PLAG1: variants seen among roughly 807,000 people sequenced by gnomAD.
The protein encoded by PLAG1 is PLAG1 zinc finger, also known as zinc finger protein PLAG1.
Under a neutral mutation model 35.5 loss-of-function variants are expected in PLAG1, and 7 were observed. That is an observed-to-expected ratio of 0.20 (90% confidence interval 0.11 to 0.37). PLAG1 has a LOEUF of 0.37. Among genes scored for constraint, PLAG1 ranks in the 10% least tolerant of loss-of-function variants. The pLI is 1.00. For synonymous variants in PLAG1, 229 were observed against 225.4 expected (o/e 1.02, Z -0.14); for missense variants, 454 against 602.8 (o/e 0.75, Z 2.58).
Position 56,163,210 on chromosome 8 carries a change from CTTTTTTTTTTT to C in PLAG1, c.*3022_*3032del, listed in dbSNP as rs34779318. Reference sequence around the variant, plus strand: ...AACTACTTTTATTTAATGTTAATCCCTTTTTTTTTTTTTTTTTTTTTTTTTTAACCAAGCTA... The same window carrying C: ...AACTACTTTTATTTAATGTTAATCCCTTTTTTTTTTTTTTTAACCAAGCTA... On this transcript the variant is annotated 3_prime_UTR_variant, in exon 5 of 5. Transcript: ENST00000316981. The C allele has an allele frequency of 2.2e-4, 21 of 97,240 alleles. No homozygotes were observed. In the East Asian group the frequency reaches 3.8e-3, roughly 17 times the overall value. The allele number at this position is 97,240 out of a possible 1,614,324, so 6.0% of individuals were successfully genotyped here.
chr8:56,188,835 G>A (rs1339864914), intron 1 of PLAG1, among the ~76,000 whole-genome samples: 2 of 152,208 alleles, frequency 1.3e-5, no homozygotes, highest in Non-Finnish European at 2.9e-5. Flanking sequence ...TAGTCACTGT[G>A]ATTCGCTGAC....
chr8:56,167,944 G>A lies in PLAG1; in HGVS notation c.242+84C>T. ...TCTTTGCAAATTAGCTGAAAAATGT[G>A]TATACAAATACATACGTTTACAATG... On this transcript the variant is annotated intron_variant, in intron 4 of 4. Transcript: ENST00000316981. This position sits in a 1 kb window ranked among gnomAD's most constrained non-coding sequence, Gnocchi z 5.9. 1.3e-6 allele frequency: 1 copy of A among 745,514 alleles called. No homozygotes were observed. Among genetic ancestry groups the A allele is most frequent in the Non-Finnish European group, 2.2e-6 (1 of 453,566 alleles). The allele number at this position is 745,514 out of a possible 1,614,324, so 46.2% of individuals were successfully genotyped here. A position where few individuals can be genotyped will look rare whatever the true frequency, so the allele number is the denominator to read the frequency against.
chr8:56,163,659 A>T lies in PLAG1; in HGVS notation c.*2584T>A. 1 of 185,686 alleles carries T rather than the reference A, an allele frequency of 5.4e-6. No homozygotes were observed. Among genetic ancestry groups the T allele is most frequent in the Non-Finnish European group, 1.1e-5 (1 of 88,748 alleles). The allele number at this position is 185,686 out of a possible 1,614,324, so 11.5% of individuals were successfully genotyped here. On this transcript the variant is annotated 3_prime_UTR_variant, in exon 5 of 5. Transcript: ENST00000316981. The stretch of plus-strand genomic sequence containing the variant: ...ATTTCATGCAGGGCAAGATTTAAGT[A>T]TGTGTGTGTGTGTGTATATATACAC...
At chr8:56,207,629 A>C (rs759655566) in intron 1 of PLAG1, among the ~76,000 whole-genome samples, 1 of 152,078 alleles carries the variant, frequency 6.6e-6, no homozygotes, top group Non-Finnish European at 1.5e-5. Context: ...TAGGCATATA[A>C]ATTTCAAATA....
chr8:56,187,441 CT>C (rs1462124055), intron 1 of PLAG1, among the ~76,000 whole-genome samples: 1 of 152,214 alleles, frequency 6.6e-6, no homozygotes, highest in Non-Finnish European at 1.5e-5. Flanking sequence ...CCTTCACTAT[CT>C]GTGTAACTAC....
rs554092452 is a variant in PLAG1 at position 56,168,539 on chromosome 8, T to C, written c.-117-153A>G. Among the ~76,000 whole-genome samples the C allele has an allele frequency of 3.9e-5, 6 of 152,328 alleles. No homozygotes were observed. In the East Asian group the frequency reaches 5.8e-4, roughly 15 times the overall value. ...TCATCACATTACATTAGAAACCCCA[T>C]AGGTTTCTTTATATTTGTCAAAATA... On this transcript the variant is annotated intron_variant, in intron 3 of 4. Coordinates refer to ENST00000316981, the MANE Select transcript of PLAG1 (RefSeq NM_002655.3).
At chr8:56,175,924 G>A (rs958356813) in intron 2 of PLAG1, among the ~76,000 whole-genome samples, 4 of 152,006 alleles carry the variant, frequency 2.6e-5, no homozygotes, top group Non-Finnish European at 5.9e-5. Context: ...TGAAGAAGGA[G>A]TATCAAGTAA....
In PLAG1 at chr8:56,165,870, T is replaced by A. The variant is rs1218079514; in HGVS notation, c.*373A>T. The A allele has an allele frequency of 1.5e-5, 3 of 201,224 alleles. No individual in the cohort carries two copies. The highest frequency in any genetic ancestry group is 3.1e-5 in the Non-Finnish European group (3 of 97,868). The allele number at this position is 201,224 out of a possible 1,614,324, so 12.5% of individuals were successfully genotyped here. A position where few individuals can be genotyped will look rare whatever the true frequency, so the allele number is the denominator to read the frequency against. ...TACATTCTATTGCTAAATTTTTTAA[T>A]GAGCCAGATGTCAAAAGGTAGAGCC... is the stretch of plus-strand genomic sequence containing the variant. On this transcript the variant is annotated 3_prime_UTR_variant, in exon 5 of 5. Transcript: ENST00000316981.
intron 1 of PLAG1, among the ~76,000 whole-genome samples, chr8:56,186,973 C>T (rs966729527): frequency 2.0e-5 from 3 of 152,228 alleles, no homozygotes; most frequent in African/African-American, 7.2e-5. Flanking sequence ...GCCTCAGCCT[C>T]CCAAAGTGTT....
At chr8:56,205,832 A>T (rs926564926) in intron 1 of PLAG1, among the ~76,000 whole-genome samples, 2 of 151,940 alleles carry the variant, frequency 1.3e-5, no homozygotes, top group Non-Finnish European at 2.9e-5. Flanking sequence ...TTGTCCTATT[A>T]ACCTAGGACA....
intron 1 of PLAG1, among the ~76,000 whole-genome samples, chr8:56,196,012 T>C (rs1323208310): frequency 6.6e-6 from 1 of 152,104 alleles, no homozygotes; most frequent in Non-Finnish European, 1.5e-5. Context: ...GCGTGCTCAC[T>C]GCTATAACAT....
chr8:56,185,959 AG>A (rs1175211486), intron 1 of PLAG1, among the ~76,000 whole-genome samples: 1 of 152,228 alleles, frequency 6.6e-6, no homozygotes, highest in African/African-American at 2.4e-5. Context: ...AAACAAATGA[AG>A]TAACACAGAA....
chr8:56,200,903 G>T (rs1812530144), intron 1 of PLAG1, among the ~76,000 whole-genome samples: 1 of 152,016 alleles, frequency 6.6e-6, no homozygotes, highest in Non-Finnish European at 1.5e-5. Context: ...TCATCCAAAG[G>T]CATAAAAGCA....
At chr8:56,178,958 TC>T (rs1440646025) in intron 2 of PLAG1, among the ~76,000 whole-genome samples, 2 of 127,566 alleles carry the variant, frequency 1.6e-5, no homozygotes, top group Non-Finnish European at 3.1e-5. Flanking sequence ...ATCTGCCCCA[TC>T]CCTGTGAGCA....
chr8:56,201,581 T>C (rs1257356745), intron 1 of PLAG1, among the ~76,000 whole-genome samples: 1 of 152,200 alleles, frequency 6.6e-6, no homozygotes, highest in Admixed American at 6.5e-5. Flanking sequence ...TTTTCTTAAA[T>C]ATATGAACTT....
chr8:56,177,843 G>C (rs539445346), intron 2 of PLAG1, among the ~76,000 whole-genome samples: 2 of 152,308 alleles, frequency 1.3e-5, no homozygotes, highest in South Asian at 4.1e-4. Context: ...TTTTGGCAGA[G>C]AGGTAGGAAC....
chr8:56,189,302 A>G (rs1385489419), intron 1 of PLAG1, among the ~76,000 whole-genome samples: 2 of 152,200 alleles, frequency 1.3e-5, no homozygotes, highest in African/African-American at 4.8e-5. Flanking sequence ...CCTGCAATCA[A>G]GAAGACATTG....
At chr8:56,208,626 TAATA>T (rs1812764374) in intron 1 of PLAG1, among the ~76,000 whole-genome samples, 1 of 152,080 alleles carries the variant, frequency 6.6e-6, no homozygotes, top group Admixed American at 6.5e-5. Flanking sequence ...TGTCTATAAA[TAATA>T]AAAACAAGAG....
intron 1 of PLAG1, among the ~76,000 whole-genome samples, chr8:56,204,281 G>A (rs556397419): frequency 6.6e-6 from 1 of 151,776 alleles, no homozygotes; most frequent in East Asian, 1.9e-4. Flanking sequence ...GAAAAGTGAC[G>A]TGAGCTCTAT....
Sources: allele counts gnomAD v4.1 joint callset (sites outside exome capture counted in the v4.1 genomes callset), GRCh38; gene constraint gnomAD v4.1.1; non-coding constraint Gnocchi (gnomAD v3.1); transcripts MANE v1.5; gene names NCBI Gene and HGNC (gene_info 2026-07-23, HGNC 2026-07-21).